DNAJC17: variants seen among roughly 807,000 people sequenced by gnomAD.
DNAJC17 encodes DnaJ heat shock protein family (Hsp40) member C17, also known as dnaJ homolog subfamily C member 17.
DNAJC17 carries 35 observed loss-of-function variants against 48.1 expected under a neutral mutation model. The ratio of observed to expected loss-of-function variants is 0.73; its 90% CI spans 0.56 to 0.96. The LOEUF (loss-of-function observed/expected upper bound fraction) is 0.96, where lower values mean the gene tolerates loss of function less well. DNAJC17 is among the 50% of genes least tolerant of loss of function. The pLI, the probability that DNAJC17 is intolerant of heterozygous loss-of-function variation, is 0.00. For synonymous variants in DNAJC17, 117 were observed against 142.7 expected (o/e 0.82, Z 1.28); for missense variants, 355 against 377.1 (o/e 0.94, Z 0.48).
At chr15:40,799,589 G>T (rs1449074521) in intron 1 of DNAJC17, among the ~76,000 whole-genome samples, 2 of 152,168 alleles carry the variant, frequency 1.3e-5, no homozygotes, top group Middle Eastern at 3.2e-3. Context: ...CCCCGGTTGA[G>T]AGTAAAAATT....
chr15:40,800,114 C>T (rs903598089), intron 1 of DNAJC17, among the ~76,000 whole-genome samples: 34 of 152,166 alleles, frequency 2.2e-4, no homozygotes, highest in African/African-American at 7.7e-4. Flanking sequence ...GCTCCATCAC[C>T]CAGCCTGGAG....
In DNAJC17 at chr15:40,767,307, G is replaced by T. The variant is rs749155056; in HGVS notation, c.*633C>A. The T allele has an allele frequency of 6.2e-7, 1 of 1,603,930 alleles. No individual in the cohort carries two copies. Among genetic ancestry groups the T allele is most frequent in the East Asian group, 2.3e-5 (1 of 43,668 alleles). On this transcript the variant is annotated 3_prime_UTR_variant, in exon 11 of 11. Coordinates refer to ENST00000220496, the MANE Select transcript of DNAJC17 (RefSeq NM_018163.3). ...GGGGCTTCCGTGTGCTGAGCATGAC[G>T]GGGGTGGGCCAGACGCTGGTGTGGT...
intron 10 of DNAJC17, 97 bp downstream of exon 10, chr15:40,773,630 C>T: frequency 1.0e-6 from 1 of 971,636 alleles, no homozygotes; most frequent in African/African-American, 1.7e-5. Context: ...ACTCTAGGCC[C>T]CAAGATCTGA....
chr15:40,781,297 C>T (rs974733262), intron 1 of DNAJC17, among the ~76,000 whole-genome samples: 5 of 150,996 alleles, frequency 3.3e-5, no homozygotes, highest in African/African-American at 7.3e-5. Flanking sequence ...GTCAGGAGTT[C>T]GAGACCAGCC....
chr15:40,791,476 C>T (rs1392692214), intron 1 of DNAJC17, among the ~76,000 whole-genome samples: 1 of 151,832 alleles, frequency 6.6e-6, no homozygotes, highest in Non-Finnish European at 1.5e-5. Context: ...TGCAGTGAGC[C>T]AAGATCGCAC....
At chr15:40,792,369 T>C (rs761419756) in intron 1 of DNAJC17, 63 of 790,166 alleles carry the variant, frequency 8.0e-5, no homozygotes, top group Non-Finnish European at 9.2e-5. Context: ...CCCTGGTAGT[T>C]TTCCTGATAA....
intron 1 of DNAJC17, among the ~76,000 whole-genome samples, chr15:40,785,181 G>A (rs1889609512): frequency 6.6e-6 from 1 of 152,056 alleles, no homozygotes; most frequent in Non-Finnish European, 1.5e-5. Flanking sequence ...TCTCAGTATC[G>A]TTTATTATTA....
At chr15:40,795,702 C>T (rs1222284586) in intron 1 of DNAJC17, among the ~76,000 whole-genome samples, 2 of 152,092 alleles carry the variant, frequency 1.3e-5, no homozygotes, top group East Asian at 3.9e-4. Context: ...CAAGACAAGC[C>T]TGGCCAACAT....
chr15:40,797,052 C>T (rs1467242361), intron 1 of DNAJC17, among the ~76,000 whole-genome samples: 1 of 152,088 alleles, frequency 6.6e-6, no homozygotes. Context: ...CAGGCATTAT[C>T]CACCACACTA....
At position 40,770,907 on chromosome 15, in the gene DNAJC17, C is replaced by T. The variant is rs1434723724; in HGVS notation, c.792+2820G>A. The T allele has an allele frequency of 6.4e-7, 1 of 1,551,518 alleles. No homozygotes were observed. The highest frequency in any genetic ancestry group is 1.2e-5 in the South Asian group (1 of 84,064). Reference sequence around the variant, plus strand: ...GGACACTCCCTGCTTCCAGAGGACACCTACCCCAGACCTCAGTGATCCCTT... The same window carrying T: ...GGACACTCCCTGCTTCCAGAGGACATCTACCCCAGACCTCAGTGATCCCTT... On this transcript the variant is annotated intron_variant, in intron 10 of 10. Transcript: ENST00000220496. This position sits in a 1 kb window ranked among gnomAD's most constrained non-coding sequence, Gnocchi z 5.0.
At chr15:40,800,811 T>G (rs774183814) in intron 1 of DNAJC17, among the ~76,000 whole-genome samples, 24 of 152,072 alleles carry the variant, frequency 1.6e-4, no homozygotes, top group Admixed American at 1.0e-3. Context: ...ATATAAAAAT[T>G]AGCCAGGCGT....
Position 40,767,236 on chromosome 15 carries a change from T to C in DNAJC17, c.*704A>G. ...CCTGTCTCTTTGCAGTTATGAATAC[T>C]ACGTCGATGACCCTCCCCGCATAGT... On this transcript the variant is annotated 3_prime_UTR_variant, in exon 11 of 11. Transcript: ENST00000220496. The C allele has an allele frequency of 6.4e-7, 1 of 1,562,454 alleles. No individual in the cohort carries two copies. The highest frequency in any genetic ancestry group is 8.7e-7 in the Non-Finnish European group (1 of 1,153,914).
chr15:40,790,182 G>T (rs1889761014), intron 1 of DNAJC17, among the ~76,000 whole-genome samples: 1 of 152,118 alleles, frequency 6.6e-6, no homozygotes, highest in African/African-American at 2.4e-5. Flanking sequence ...GTTACAGATG[G>T]GGCTGCGAGA....
chr15:40,770,577 C>T lies in DNAJC17; in HGVS notation c.793-2515G>A, dbSNP rs1219151767. The T allele has an allele frequency of 1.4e-5, 22 of 1,550,636 alleles. No individual in the cohort carries two copies. The highest frequency in any genetic ancestry group is 4.8e-5 in the South Asian group (4 of 84,070). ...CCTGGGGCGGCCACGGCGGCTCCGGCGACAGAGTAGTGTGCTTAGCCAGGC... is the reference window on the plus strand; with the variant it reads ...CCTGGGGCGGCCACGGCGGCTCCGGTGACAGAGTAGTGTGCTTAGCCAGGC... On this transcript the variant is annotated intron_variant, in intron 10 of 10. Transcript: ENST00000220496. The surrounding 1 kb of genome is among the most constrained non-coding windows in gnomAD (Gnocchi z 5.0).
At chr15:40,780,796 GA>G (rs1446455081) in intron 1 of DNAJC17, among the ~76,000 whole-genome samples, 1 of 150,654 alleles carries the variant, frequency 6.6e-6, no homozygotes, top group Non-Finnish European at 1.5e-5. Flanking sequence ...CCTGGCGACA[GA>G]GCAAGACTCT....
At chr15:40,771,231 G>A in intron 10 of DNAJC17, 1 of 600,140 alleles carries the variant, frequency 1.7e-6, no homozygotes, top group Non-Finnish European at 3.0e-6. Flanking sequence ...CCAGAGTGGA[G>A]GGACAGAGGC....
intron 9 of DNAJC17, 101 bp downstream of exon 9, chr15:40,774,255 C>T (rs1889252385): frequency 7.4e-7 from 1 of 1,348,036 alleles, no homozygotes; most frequent in East Asian, 2.3e-5. Flanking sequence ...TGGAGATTCC[C>T]TAGGAGTGCA....
chr15:40,771,109 C>A, intron 10 of DNAJC17: 1 of 1,283,814 alleles, frequency 7.8e-7, no homozygotes, highest in Non-Finnish European at 1.1e-6. Flanking sequence ...ACTCCAGGCC[C>A]ATCGCTGGAG....
At chr15:40,781,080 G>A (rs1236015869) in intron 1 of DNAJC17, among the ~76,000 whole-genome samples, 1 of 149,602 alleles carries the variant, frequency 6.7e-6, no homozygotes, top group African/African-American at 2.5e-5. Context: ...TCATGCAGGA[G>A]GCAGAGGTTG....
Sources: gnomAD v4.1 joint callset for allele counts (sites outside exome capture counted in the v4.1 genomes callset) on GRCh38, gnomAD v4.1.1 for gene constraint, Gnocchi (gnomAD v3.1) non-coding constraint, MANE v1.5 for transcripts, NCBI Gene and HGNC (gene_info 2026-07-23, HGNC 2026-07-21) for gene names.